The following IRAG1 variants were observed in gnomAD, a reference collection of about 807,000 sequenced individuals.
The protein encoded by IRAG1 is inositol 1,4,5-triphosphate receptor associated 1, also known as IP3R-associated cGMP kinase substrate.
IRAG1 carries 62 observed loss-of-function variants against 106.2 expected under a neutral mutation model. That is an observed-to-expected ratio of 0.58 (90% CI 0.48 to 0.72). The LOEUF (loss-of-function observed/expected upper bound fraction) is 0.72. Among genes scored for constraint, IRAG1 ranks in the 30% least tolerant of loss-of-function variants. IRAG1 has a pLI of 0.00. For synonymous variants in IRAG1, 462 were observed against 443.9 expected, an observed-to-expected ratio of 1.04 and a Z score of -0.51; for missense variants, 1,064 against 1,140.7, an observed-to-expected ratio of 0.93 and a Z score of 0.97.
intron 1 of IRAG1, among the ~76,000 whole-genome samples, chr11:10,668,669 T>G (rs1241671262): frequency 6.6e-6 from 1 of 152,228 alleles, no homozygotes; most frequent in Non-Finnish European, 1.5e-5. Context: ...CAATTATTTT[T>G]TTATAGTTTC....
At chr11:10,593,824 T>G in intron 16 of IRAG1, 1 of 577,148 alleles carries the variant, frequency 1.7e-6, no homozygotes, top group African/African-American at 1.9e-5. Flanking sequence ...TTTTAGCTTA[T>G]GAGATCTTGG....
intron 10 of IRAG1, among the ~76,000 whole-genome samples, chr11:10,618,050 C>G (rs1031585835): frequency 2.0e-5 from 3 of 152,216 alleles, no homozygotes; most frequent in African/African-American, 7.2e-5. Context: ...GCCTTCAAAG[C>G]CTTCAATTTC....
chr11:10,628,771 A>T lies in IRAG1; in HGVS notation c.632T>A (p.Leu211His), dbSNP rs921355776. The change falls in exon 6 of 21, where the codon CTT (leucine) becomes CAT (histidine). Residue 211 changes from leucine to histidine, a missense_variant. Transcript: ENST00000423302. This position sits in a 1 kb window ranked among gnomAD's most constrained non-coding sequence, Gnocchi z 4.1. Reference protein sequence around the residue: ...ASPTSSRSNSLTVPTPPGLDV... With the variant: ...ASPTSSRSNSHTVPTPPGLDV... The stretch of plus-strand genomic sequence containing the variant: ...CTCACCTGGCGGGGTGGGGACTGTA[A>T]GTGAGTTGCTCCGAGAGGATGTAGG... The T allele has an allele frequency of 6.4e-7, 1 of 1,553,668 alleles. No individual in the cohort carries two copies. Among genetic ancestry groups the T allele is most frequent in the African/African-American group, 1.4e-5 (1 of 71,674 alleles).
chr11:10,682,022 T>C (rs1273671601), intron 1 of IRAG1, among the ~76,000 whole-genome samples: 1 of 152,232 alleles, frequency 6.6e-6, no homozygotes, highest in Non-Finnish European at 1.5e-5. Flanking sequence ...CAATATGGCC[T>C]TGGCTCTGCC....
intron 2 of IRAG1, among the ~76,000 whole-genome samples, chr11:10,639,014 C>T (rs764080928): frequency 2.6e-5 from 4 of 152,280 alleles, no homozygotes; most frequent in South Asian, 2.1e-4. Context: ...CTCCGCCTCC[C>T]GGTCAAGCAA....
chr11:10,606,733 G>A lies in IRAG1; in HGVS notation c.1602+9C>T, dbSNP rs781437637. The stretch of plus-strand genomic sequence containing the variant: ...GCACTAAATTTCATAACACACTTGA[G>A]TCACTTACCTCAACTTCCTTTTCAG... On this transcript the variant is annotated intron_variant, in intron 12 of 20. Transcript: ENST00000423302. 1 of 1,594,386 alleles carries A rather than the reference G, an allele frequency of 6.3e-7. No individual in the cohort carries two copies. The highest frequency in any genetic ancestry group is 1.3e-5 in the African/African-American group (1 of 74,770).
rs1252207223 is a variant in IRAG1 at position 10,646,112 on chromosome 11, T to C, written c.225+5913A>G. 3.9e-5 allele frequency among the ~76,000 whole-genome samples: 6 copies of C among 152,230 alleles called. 1 individual carries two copies. Among genetic ancestry groups the C allele is most frequent in the Admixed American group, 3.9e-4 (6 of 15,286 alleles). ...ACCTTACATTTCTATGAGCCTTTCC[T>C]GTACCTTCTGGAACTCCCTGGCTGC... On this transcript the variant is annotated intron_variant, in intron 2 of 20. Coordinates refer to ENST00000423302, the MANE Select transcript of IRAG1 (RefSeq NM_130385.4).
At chr11:10,666,612 T>C (rs1859804598) in intron 1 of IRAG1, among the ~76,000 whole-genome samples, 1 of 152,268 alleles carries the variant, frequency 6.6e-6, no homozygotes, top group African/African-American at 2.4e-5. Flanking sequence ...ACCTGCAGTT[T>C]GTTATACATG....
chr11:10,688,564 G>C (rs781089139), intron 1 of IRAG1, among the ~76,000 whole-genome samples: 1 of 152,032 alleles, frequency 6.6e-6, no homozygotes, highest in Non-Finnish European at 1.5e-5. Flanking sequence ...CCTAGAGCCA[G>C]GCTGTGTGCA....
chr11:10,653,356 G>A (rs1858673985), intron 1 of IRAG1, among the ~76,000 whole-genome samples: 1 of 152,208 alleles, frequency 6.6e-6, no homozygotes, highest in African/African-American at 2.4e-5. Flanking sequence ...GCCTCTTGGT[G>A]TTGAAATCAC....
chr11:10,635,518 G>A lies in IRAG1; in HGVS notation c.226-1447C>T, dbSNP rs147839537. Among the ~76,000 whole-genome samples, 490 of 152,300 alleles carry A rather than the reference G, an allele frequency of 3.2e-3. 7 individuals are homozygous for A. The highest frequency in any genetic ancestry group is 0.011 in the African/African-American group (468 of 41,550). ...TTTCACCTCCACTAGCCCCACTGGC[G>A]GTGGGAGCTGCCAATGGGCTGGAGC... On this transcript the variant is annotated intron_variant, in intron 2 of 20. Coordinates refer to ENST00000423302, the MANE Select transcript of IRAG1 (RefSeq NM_130385.4).
At chr11:10,671,042 C>T (rs1025927046) in intron 1 of IRAG1, among the ~76,000 whole-genome samples, 1 of 152,218 alleles carries the variant, frequency 6.6e-6, no homozygotes, top group African/African-American at 2.4e-5. Context: ...CTGTTTCAAA[C>T]ATTTAATCTT....
At chr11:10,678,487 C>T (rs182746987) in intron 1 of IRAG1, among the ~76,000 whole-genome samples, 39 of 152,244 alleles carry the variant, frequency 2.6e-4, no homozygotes, top group Admixed American at 1.0e-3. Flanking sequence ...GAAACGATTA[C>T]GTCTGCTTTT....
chr11:10,620,452 C>G (rs1322682580), intron 10 of IRAG1, among the ~76,000 whole-genome samples: 7 of 152,004 alleles, frequency 4.6e-5, no homozygotes, highest in African/African-American at 1.7e-4. Context: ...AAAAACCAAA[C>G]AAATCAACGA....
In IRAG1 at chr11:10,674,271, T is replaced by C. The variant is rs191171741; in HGVS notation, c.67+19265A>G. ...ATGCAACATACACCCCACACCACACTCCACATGCACAAATGTCCCAAAGGT... is the reference window on the plus strand; with the variant it reads ...ATGCAACATACACCCCACACCACACCCCACATGCACAAATGTCCCAAAGGT... On this transcript the variant is annotated intron_variant, in intron 1 of 20. Coordinates refer to ENST00000423302, the MANE Select transcript of IRAG1 (RefSeq NM_130385.4). Among the ~76,000 whole-genome samples the C allele has an allele frequency of 2.0e-4, 31 of 152,190 alleles. 1 individual carries two copies. Among genetic ancestry groups the C allele is most frequent in the African/African-American group, 7.0e-4 (29 of 41,510 alleles).
intron 19 of IRAG1, among the ~76,000 whole-genome samples, chr11:10,580,845 A>T (rs1851315514): frequency 6.6e-6 from 1 of 152,238 alleles, no homozygotes; most frequent in South Asian, 2.1e-4. Context: ...AATGTGGTGC[A>T]GGGTCTCCTG....
intron 10 of IRAG1, among the ~76,000 whole-genome samples, chr11:10,614,000 C>A (rs1055081946): frequency 6.6e-6 from 1 of 152,154 alleles, no homozygotes; most frequent in East Asian, 1.9e-4. Context: ...CCCTAAATCA[C>A]CCCAGGGCCA....
chr11:10,668,340 T>C (rs1159255886), intron 1 of IRAG1, among the ~76,000 whole-genome samples: 1 of 152,238 alleles, frequency 6.6e-6, no homozygotes. Context: ...TGTATGTAAA[T>C]TAGATATACA....
chr11:10,624,451 G>C (rs1856075965), intron 9 of IRAG1, among the ~76,000 whole-genome samples: 1 of 152,184 alleles, frequency 6.6e-6, no homozygotes, highest in Non-Finnish European at 1.5e-5. Flanking sequence ...GCAGAGCCCG[G>C]GGAGAGATGG....
Sources: allele counts gnomAD v4.1 joint callset (sites outside exome capture counted in the v4.1 genomes callset), GRCh38; gene constraint gnomAD v4.1.1; non-coding constraint Gnocchi (gnomAD v3.1); transcripts MANE v1.5; gene names NCBI Gene and HGNC (gene_info 2026-07-23, HGNC 2026-07-21).